The following CFAP44 variants were observed in gnomAD, a reference collection of about 807,000 sequenced individuals.
The protein encoded by CFAP44 is cilia and flagella associated protein 44, also known as cilia- and flagella-associated protein 44.
CFAP44 carries 134 observed loss-of-function variants against 216.2 expected under a neutral mutation model. The ratio of observed to expected loss-of-function variants is 0.62; its 90% CI spans 0.54 to 0.72. The LOEUF is 0.72. Among genes scored for constraint, CFAP44 ranks in the 30% least tolerant of loss-of-function variants. The pLI is 0.00. For missense variants in CFAP44, 2,035 were observed against 2,182.1 expected (o/e 0.93, Z 1.34); for synonymous variants, 700 against 727.6 (o/e 0.96, Z 0.61).
rs1397901857 is a variant in CFAP44, at chr3:113,289,007, G to C, written c.*2550C>G. 6.6e-6 allele frequency: 1 copy of C among 152,138 alleles called. No homozygotes were observed. The highest frequency in any genetic ancestry group is 1.5e-5 in the Non-Finnish European group (1 of 68,042). The allele number at this position is 152,138 out of a possible 1,614,324, so 9.4% of individuals were successfully genotyped here. A position where few individuals can be genotyped will look rare whatever the true frequency, so the allele number is the denominator to read the frequency against. On this transcript the variant is annotated 3_prime_UTR_variant, in exon 35 of 35. Transcript: ENST00000393845. ...TTTTGGCCTTACCCTCAGAGGTGAG[G>C]CTGCTCCTCTGGGAGCACAGCAGAA...
rs1327105172 is a variant in CFAP44 at position 113,330,280 on chromosome 3, T to A, written c.4004A>T (p.Asp1335Val). The part of the protein sequence containing the change: ...RSSKASTFSL[D>V]IPKCLEFEKA... ...TTCAAATTCCAAACACTTTGGTATA[T>A]CTAGGCTGAATGTTGATGCCTTTGA... The change falls in exon 26 of 35, where the codon GAT becomes GTT. Residue 1335 changes from aspartate (D) to valine (V), a missense_variant. Asp to Val is a radical substitution (Grantham distance 152, BLOSUM62 -3). Transcript: ENST00000393845. 2 of 1,537,438 alleles carry A rather than the reference T, an allele frequency of 1.3e-6. No individual in the cohort carries two copies. The highest frequency in any genetic ancestry group is 1.7e-6 in the Non-Finnish European group (2 of 1,146,938).
At chr3:113,346,963 T>C (rs1341645141) in intron 22 of CFAP44, among the ~76,000 whole-genome samples, 1 of 152,194 alleles carries the variant, frequency 6.6e-6, no homozygotes, top group Non-Finnish European at 1.5e-5. Context: ...CGTGGCTTCA[T>C]TCTTGAAGTC....
Position 113,291,586 on chromosome 3 carries a change from C to G in CFAP44, c.5536G>C (p.Glu1846Gln). The G allele has an allele frequency of 6.5e-7, 1 of 1,537,220 alleles. No individual in the cohort carries two copies. Among genetic ancestry groups the G allele is most frequent in the Non-Finnish European group, 8.7e-7 (1 of 1,146,912 alleles). The change falls in exon 35 of 35, where the codon GAG (glutamate) becomes CAG (glutamine). Residue 1846 changes from glutamate to glutamine, a missense_variant. By Grantham distance (29) the Glu-to-Gln change is conservative. Coordinates refer to ENST00000393845, the MANE Select transcript of CFAP44 (RefSeq NM_001164496.2). ...LILPPIQSPREKEIQPADL is the reference protein window; with the variant it reads ...LILPPIQSPRQKEIQPADL ...AGGTCTGCGGGCTGTATCTCTTTCT[C>G]TCGTGGAGACTGAATGGGTGGGAGG...
At chr3:113,428,770 G>A (rs1198694440) in intron 2 of CFAP44, 1 of 152,178 alleles carries the variant, frequency 6.6e-6, no homozygotes, top group East Asian at 1.9e-4. Context: ...AGCAAAGGAA[G>A]GTGACCAAGG....
At chr3:113,296,291 C>T (rs988907411) in intron 33 of CFAP44, among the ~76,000 whole-genome samples, 4 of 152,134 alleles carry the variant, frequency 2.6e-5, no homozygotes, top group Non-Finnish European at 5.9e-5. Context: ...TACACACATA[C>T]ACAGCACATT....
chr3:113,341,102 C>T (rs1173107083), intron 24 of CFAP44, among the ~76,000 whole-genome samples: 3 of 152,216 alleles, frequency 2.0e-5, no homozygotes, highest in South Asian at 2.1e-4. Flanking sequence ...TGATGTCCAG[C>T]CACTTCTGTG....
Position 113,401,275 on chromosome 3 carries a change from C to T in CFAP44, c.1339G>A (p.Ala447Thr), listed in dbSNP as rs897536935. The change falls in exon 11 of 35, where the codon GCC (alanine) becomes ACC (threonine). Residue 447 changes from alanine (A) to threonine (T), a missense_variant. Ala to Thr is a moderately conservative substitution (Grantham distance 58). This residue lies in a region of CFAP44 where 1,883 missense variants were observed against 2,023.7 expected (regional missense o/e 0.93). Transcript: ENST00000393845. ...NFWLAQDANG[A>T]IWKLDLSFSN... ...AAACTAAGGTCAAGCTTCCATATGG[C>T]TCCATTGGCATCCTAAAAAAATTAA... 2.5e-6 allele frequency: 4 copies of T among 1,584,360 alleles called. No individual in the cohort carries two copies. The highest frequency in any genetic ancestry group is 1.4e-5 in the African/African-American group (1 of 72,990).
intron 14 of CFAP44, 113 bp from the exon 15 acceptor site, chr3:113,395,973 T>C: frequency 4.5e-6 from 3 of 665,878 alleles, no homozygotes; most frequent in Non-Finnish European, 7.2e-6. Context: ...TGGTCATATA[T>C]CCCAGATTAT....
rs118168339 is a variant in CFAP44, at chr3:113,396,059, T to A, written c.1780-199A>T. 3.9e-5 allele frequency among the ~76,000 whole-genome samples: 6 copies of A among 152,348 alleles called. 1 individual carries two copies. The East Asian group carries it at 1.2e-3, about 29-fold the overall frequency. On this transcript the variant is annotated intron_variant, in intron 14 of 34. Coordinates refer to ENST00000393845, the MANE Select transcript of CFAP44 (RefSeq NM_001164496.2). ...ATTTGGAAAACCATGTGTTTCAGTA[T>A]GTGGTTCTGAAAATATGATCACCAT... is the stretch of plus-strand genomic sequence containing the variant.
chr3:113,437,570 G>A (rs1935266900), intron 1 of CFAP44, among the ~76,000 whole-genome samples: 1 of 152,194 alleles, frequency 6.6e-6, no homozygotes, highest in African/African-American at 2.4e-5. Flanking sequence ...GTCAGGTTGT[G>A]TACAATGTGG....
At chr3:113,320,224 GTCTCTC>G (rs111963316) in intron 28 of CFAP44, among the ~76,000 whole-genome samples, 19 of 141,438 alleles carry the variant, frequency 1.3e-4, no homozygotes, top group East Asian at 8.2e-4. Flanking sequence ...AGGTATATTA[GTCTCTC>G]TCTCTCTCTC....
chr3:113,384,172 C>G (rs545223646), intron 15 of CFAP44, among the ~76,000 whole-genome samples: 4 of 152,190 alleles, frequency 2.6e-5, no homozygotes, highest in South Asian at 4.1e-4. Context: ...CATTCTCCTG[C>G]CTCAGCCTCC....
intron 22 of CFAP44, among the ~76,000 whole-genome samples, chr3:113,350,314 AAGTC>A (rs954180476): frequency 2.6e-5 from 4 of 151,546 alleles, no homozygotes; most frequent in African/African-American, 9.7e-5. Flanking sequence ...AAGAGACAGA[AAGTC>A]AGAGAGAGAG....
intron 28 of CFAP44, among the ~76,000 whole-genome samples, chr3:113,323,162 C>T (rs1469889116): frequency 6.6e-6 from 1 of 152,150 alleles, no homozygotes; most frequent in African/African-American, 2.4e-5. Flanking sequence ...GGTAGGGACA[C>T]AGCCAAACCA....
At chr3:113,342,090 T>C (rs563732289) in intron 23 of CFAP44, among the ~76,000 whole-genome samples, 172 bp from the exon 24 acceptor site, 125 of 152,314 alleles carry the variant, frequency 8.2e-4, no homozygotes, top group African/African-American at 2.8e-3. Context: ...CCCAGCACTT[T>C]GGGAGGCTGA....
chr3:113,293,561 C>T (rs143131044), intron 34 of CFAP44, among the ~76,000 whole-genome samples: 9 of 152,332 alleles, frequency 5.9e-5, no homozygotes, highest in Non-Finnish European at 1.0e-4. Flanking sequence ...GCTGTTTCCT[C>T]TCCAATGTAT....
At chr3:113,342,158 C>A (rs1286904627) in intron 23 of CFAP44, among the ~76,000 whole-genome samples, 2 of 152,036 alleles carry the variant, frequency 1.3e-5, no homozygotes, top group Non-Finnish European at 2.9e-5. Flanking sequence ...CGTGGTGAAA[C>A]CCCATCTCTA....
chr3:113,341,665 A>C (rs1017911749), intron 24 of CFAP44, 79 bp downstream of exon 24: 114 of 1,279,108 alleles, frequency 8.9e-5, no homozygotes, highest in Non-Finnish European at 1.1e-4. Flanking sequence ...CAATGTCAAT[A>C]AATATAAAGA....
At chr3:113,404,261 T>C (rs1257546128) in intron 8 of CFAP44, among the ~76,000 whole-genome samples, 2 of 152,212 alleles carry the variant, frequency 1.3e-5, no homozygotes, top group Admixed American at 6.5e-5. Flanking sequence ...GGCTGTATGT[T>C]GTTGGTAATT....
Sources: allele counts gnomAD v4.1 joint callset (sites outside exome capture counted in the v4.1 genomes callset), GRCh38; gene constraint gnomAD v4.1.1; regional missense constraint gnomAD v4.1.1; transcripts MANE v1.5; gene names NCBI Gene and HGNC (gene_info 2026-07-23, HGNC 2026-07-21).